Variants in CSMD2 observed in about 807,000 individuals in gnomAD.
CSMD2 encodes CUB and Sushi multiple domains 2, also known as CUB and sushi domain-containing protein 2.
A neutral mutation model predicts 398.5 loss-of-function variants in CSMD2; 130 were observed. The observed-to-expected ratio is 0.33, with a 90% confidence interval of 0.28 to 0.38. The LOEUF is 0.38. CSMD2 is among the 10% of genes least tolerant of loss of function. The pLI, the probability that CSMD2 is intolerant of heterozygous loss-of-function variation, is 1.00. For synonymous variants in CSMD2, 1,828 were observed against 1,908.5 expected (o/e 0.96, Z 1.10); for missense variants, 3,829 against 4,764.9 (o/e 0.80, Z 5.78).
chr1:33,910,286 A>C (rs1643376814), intron 5 of CSMD2, among the ~76,000 whole-genome samples: 1 of 152,142 alleles, frequency 6.6e-6, no homozygotes, highest in South Asian at 2.1e-4. Context: ...TTTGGGCCTC[A>C]TATCCTGCAC....
chr1:33,784,785 C>T (rs1468847346), intron 12 of CSMD2, among the ~76,000 whole-genome samples: 1 of 152,176 alleles, frequency 6.6e-6, no homozygotes, highest in Non-Finnish European at 1.5e-5. Context: ...AGGGAAGGCA[C>T]CATCTCTATG....
At chr1:33,836,691 C>G (rs1660310477) in intron 6 of CSMD2, among the ~76,000 whole-genome samples, 1 of 152,182 alleles carries the variant, frequency 6.6e-6, no homozygotes, top group African/African-American at 2.4e-5. Flanking sequence ...CCTGGTGTGC[C>G]ATTTGCTAAG....
chr1:34,133,289 T>C (rs543794035), intron 1 of CSMD2, among the ~76,000 whole-genome samples: 4 of 152,306 alleles, frequency 2.6e-5, no homozygotes, highest in South Asian at 2.1e-4. Context: ...TGAAGTTGTC[T>C]GAATAATAGA....
chr1:34,042,097 A>G (rs1383205650), intron 2 of CSMD2, among the ~76,000 whole-genome samples: 1 of 152,182 alleles, frequency 6.6e-6, no homozygotes. Flanking sequence ...ACAAACTCCA[A>G]CCTGGAATTA....
intron 55 of CSMD2, among the ~76,000 whole-genome samples, chr1:33,554,915 T>C (rs1318463941): frequency 6.6e-6 from 1 of 152,228 alleles, no homozygotes; most frequent in Admixed American, 6.5e-5. Context: ...TTTCCATGTC[T>C]GCTAACACAA....
chr1:33,626,651 GC>G, intron 32 of CSMD2, 70 bp from the exon 33 acceptor site: 1 of 1,186,820 alleles, frequency 8.4e-7, no homozygotes, highest in Non-Finnish European at 1.2e-6. Flanking sequence ...TAAAATCCTG[GC>G]CAGGAAGGAG....
At chr1:33,675,414 A>G (rs911661792) in intron 25 of CSMD2, among the ~76,000 whole-genome samples, 1 of 152,240 alleles carries the variant, frequency 6.6e-6, no homozygotes, top group African/African-American at 2.4e-5. Flanking sequence ...ACCAGGAAGA[A>G]GTTGAATCTC....
intron 6 of CSMD2, chr1:33,839,466 G>T: frequency 6.3e-6 from 1 of 159,130 alleles, no homozygotes; most frequent in South Asian, 2.0e-4. Context: ...TCAGTTTCAT[G>T]ACTTAGGAAA....
chr1:33,969,070 G>A (rs1413045922), intron 3 of CSMD2, among the ~76,000 whole-genome samples: 1 of 152,168 alleles, frequency 6.6e-6, no homozygotes, highest in East Asian at 1.9e-4. Flanking sequence ...ACTTAGAGGT[G>A]ATCATTGAAA....
At chr1:34,075,325 C>T (rs913176261) in intron 2 of CSMD2, among the ~76,000 whole-genome samples, 1 of 152,220 alleles carries the variant, frequency 6.6e-6, no homozygotes, top group African/African-American at 2.4e-5. Context: ...CCTTCAAGGA[C>T]GTCCCTATTG....
intron 5 of CSMD2, among the ~76,000 whole-genome samples, chr1:33,894,777 G>T (rs1003994285): frequency 6.6e-6 from 1 of 152,174 alleles, no homozygotes; most frequent in African/African-American, 2.4e-5. Flanking sequence ...AAGAACTCCA[G>T]CATCAGACAC....
chr1:34,021,557 T>A (rs773148846), intron 3 of CSMD2, among the ~76,000 whole-genome samples: 38 of 152,164 alleles, frequency 2.5e-4, no homozygotes, highest in Non-Finnish European at 4.6e-4. Flanking sequence ...TGGGCCCCCC[T>A]GCCTTGAGCA....
intron 4 of CSMD2, among the ~76,000 whole-genome samples, chr1:33,935,147 G>A (rs765312096): frequency 5.3e-5 from 8 of 152,226 alleles, no homozygotes; most frequent in Admixed American, 2.0e-4. Context: ...GAAACTGAGT[G>A]GGTTTCCAGG....
chr1:33,658,993 T>TC (rs1320473421), intron 26 of CSMD2, among the ~76,000 whole-genome samples: 1 of 152,210 alleles, frequency 6.6e-6, no homozygotes, highest in East Asian at 1.9e-4. Context: ...TAGGTCAAGA[T>TC]CATGCTCTCT....
chr1:34,004,890 A>G (rs1418723803), intron 3 of CSMD2, among the ~76,000 whole-genome samples: 4 of 152,078 alleles, frequency 2.6e-5, no homozygotes, highest in African/African-American at 7.2e-5. Flanking sequence ...GGACTTGCCA[A>G]TCCTCACTCG....
intron 3 of CSMD2, among the ~76,000 whole-genome samples, chr1:33,974,302 C>T (rs956577897): frequency 6.6e-6 from 1 of 152,220 alleles, no homozygotes; most frequent in African/African-American, 2.4e-5. Flanking sequence ...ACAAATCTCA[C>T]ATGGTTCCAG....
chr1:33,967,703 A>C (rs1003993278), intron 3 of CSMD2, among the ~76,000 whole-genome samples: 1 of 152,192 alleles, frequency 6.6e-6, no homozygotes, highest in Non-Finnish European at 1.5e-5. Context: ...GAGTAGGGCC[A>C]ATAGGTTTGG....
At chr1:33,602,247 C>G in intron 43 of CSMD2, 122 bp downstream of exon 43, 1 of 1,023,184 alleles carries the variant, frequency 9.8e-7, no homozygotes, top group Non-Finnish European at 1.5e-6. Context: ...AGGAGGCTGA[C>G]AGCCTTTAAA....
intron 57 of CSMD2, among the ~76,000 whole-genome samples, chr1:33,544,178 C>T (rs577861892): frequency 1.4e-5 from 2 of 146,446 alleles, no homozygotes; most frequent in South Asian, 4.3e-4. Flanking sequence ...GCTATCTTGG[C>T]TCACTGCAAG....
Sources: gnomAD v4.1 joint callset for allele counts (sites outside exome capture counted in the v4.1 genomes callset) on GRCh38, gnomAD v4.1.1 for gene constraint, MANE v1.5 for transcripts, NCBI Gene and HGNC (gene_info 2026-07-23, HGNC 2026-07-21) for gene names.